The following ME3 variants were observed in gnomAD, a reference collection of about 807,000 sequenced individuals.
The protein encoded by ME3 is malic enzyme 3.
A neutral mutation model predicts 68.9 loss-of-function variants in ME3; 48 were observed. That is an observed-to-expected ratio of 0.70 (90% CI 0.55 to 0.89). The LOEUF (loss-of-function observed/expected upper bound fraction) is 0.89, where lower values mean the gene tolerates loss of function less well. Among genes scored for constraint, ME3 ranks in the 40% least tolerant of loss-of-function variants. The probability of loss-of-function intolerance (pLI) is 0.00; values close to 1 mark genes in which losing one functional copy is unlikely to be tolerated. For missense variants in ME3, 675 were observed against 797.4 expected (o/e 0.85, Z 1.85); for synonymous variants, 320 against 318.8 (o/e 1.00, Z -0.04).
intron 6 of ME3, among the ~76,000 whole-genome samples, chr11:86,495,161 A>T (rs748102): frequency 9.9e-5 from 15 of 151,934 alleles, no homozygotes; most frequent in African/African-American, 3.4e-4. Flanking sequence ...TGCCGCTTCT[A>T]GCAGATCTTC....
chr11:86,594,543 A>C (rs1460730581), intron 2 of ME3, among the ~76,000 whole-genome samples: 1 of 145,310 alleles, frequency 6.9e-6, no homozygotes, highest in Non-Finnish European at 1.5e-5. Flanking sequence ...AATAATAAAA[A>C]AATCAGCCAG....
At chr11:86,496,120 C>G (rs189107598) in intron 6 of ME3, among the ~76,000 whole-genome samples, 71 of 152,178 alleles carry the variant, frequency 4.7e-4, no homozygotes, top group Admixed American at 2.7e-3. Context: ...AATGGGGATG[C>G]CTGGGCTGGG....
chr11:86,649,904 T>C (rs185244041), intron 2 of ME3, among the ~76,000 whole-genome samples: 2 of 152,310 alleles, frequency 1.3e-5, no homozygotes, highest in Admixed American at 6.5e-5. Context: ...ATAGATTCAA[T>C]GCTATTCCCA....
chr11:86,611,741 T>C (rs868696826), intron 2 of ME3, among the ~76,000 whole-genome samples: 16 of 152,228 alleles, frequency 1.1e-4, no homozygotes, highest in Middle Eastern at 6.8e-3. Flanking sequence ...ACTATGGGTC[T>C]AGATGTTTGA....
intron 6 of ME3, among the ~76,000 whole-genome samples, chr11:86,492,500 C>T (rs1017881590): frequency 2.0e-5 from 3 of 152,214 alleles, no homozygotes; most frequent in Non-Finnish European, 4.4e-5. Flanking sequence ...AGGGTGGGGA[C>T]CAGGCTTATT....
intron 2 of ME3, among the ~76,000 whole-genome samples, chr11:86,620,723 C>T (rs553405549): frequency 1.3e-5 from 2 of 152,356 alleles, no homozygotes; most frequent in Non-Finnish European, 2.9e-5. Flanking sequence ...GATACAGGCA[C>T]CTCTACCAGG....
chr11:86,626,937 T>A (rs1302365050), intron 2 of ME3, among the ~76,000 whole-genome samples: 1 of 152,164 alleles, frequency 6.6e-6, no homozygotes, highest in African/African-American at 2.4e-5. Flanking sequence ...CCCTAACTGG[T>A]ATATTTTCCT....
intron 5 of ME3, among the ~76,000 whole-genome samples, chr11:86,507,116 A>G (rs1419580176): frequency 6.6e-6 from 1 of 152,194 alleles, no homozygotes; most frequent in African/African-American, 2.4e-5. Context: ...TTTAAGTAAT[A>G]TCATTCCCTG....
At chr11:86,636,488 T>TC (rs1944343610) in intron 2 of ME3, among the ~76,000 whole-genome samples, 1 of 152,022 alleles carries the variant, frequency 6.6e-6, no homozygotes, top group African/African-American at 2.4e-5. Flanking sequence ...AGGAGAAGCA[T>TC]CCCTTGGTGC....
intron 2 of ME3, among the ~76,000 whole-genome samples, chr11:86,589,227 GT>G (rs911715000): frequency 9.2e-5 from 14 of 152,154 alleles, no homozygotes; most frequent in Admixed American, 5.9e-4. Context: ...GCAAGTGTTT[GT>G]TTACAAGTCT....
chr11:86,478,552 C>A (rs1013779618), intron 7 of ME3, among the ~76,000 whole-genome samples: 4 of 152,162 alleles, frequency 2.6e-5, no homozygotes, highest in African/African-American at 9.7e-5. Context: ...TCTCTTCCCA[C>A]ATCTTGTCAA....
At chr11:86,445,075 A>G (rs556745378) in intron 13 of ME3, among the ~76,000 whole-genome samples, 1 of 152,176 alleles carries the variant, frequency 6.6e-6, no homozygotes, top group Non-Finnish European at 1.5e-5. Context: ...TTTTTACTCA[A>G]CAGAGGACTT....
At chr11:86,441,346 T>G (rs751258616) in exon 15 of ME3, 3 of 1,613,468 alleles carry the variant, frequency 1.9e-6, no homozygotes, top group South Asian at 2.2e-5. Context: ...GGAGTCATAG[T>G]CTGGAGTGTA....
rs371364505 is a variant in ME3, at chr11:86,574,981, G to A, written c.184-15158C>T. 2.0e-4 allele frequency among the ~76,000 whole-genome samples: 24 copies of A among 118,346 alleles called. 7 individuals carry two copies. Among genetic ancestry groups the A allele is most frequent in the African/African-American group, 9.1e-4 (23 of 25,384 alleles). The allele number at this position is 118,346 out of a possible 152,430, so 77.6% of individuals were successfully genotyped here. On this transcript the variant is annotated intron_variant, in intron 2 of 14. Coordinates refer to ENST00000543262, the Ensembl canonical transcript of ME3. ...GTGAACACTGGCAGCTTGCAACCCT[G>A]ACAGGTTGTCCAGCCTGGGCAGGGG...
intron 2 of ME3, among the ~76,000 whole-genome samples, chr11:86,615,180 C>T (rs915135698): frequency 1.9e-4 from 29 of 152,100 alleles, no homozygotes; most frequent in African/African-American, 5.1e-4. Flanking sequence ...TAGCCACATC[C>T]GGACCCTACA....
chr11:86,450,336 A>T (rs771657517), exon 9 of ME3: 8 of 1,614,134 alleles, frequency 5.0e-6, no homozygotes, highest in Non-Finnish European at 5.9e-6. Flanking sequence ...ACGTGATTGG[A>T]AAGCTTGTTC....
At chr11:86,481,442 G>A (rs1951401296) in intron 7 of ME3, among the ~76,000 whole-genome samples, 1 of 152,180 alleles carries the variant, frequency 6.6e-6, no homozygotes, top group East Asian at 1.9e-4. Flanking sequence ...CTCAACCCAG[G>A]CCTTCTGTGG....
chr11:86,469,946 C>A (rs879856026), intron 7 of ME3, among the ~76,000 whole-genome samples: 1 of 151,572 alleles, frequency 6.6e-6, no homozygotes, highest in African/African-American at 2.4e-5. Context: ...CTGTGTGTGA[C>A]GGTGTGATGA....
chr11:86,578,101 G>C (rs1958219780), intron 2 of ME3, among the ~76,000 whole-genome samples: 1 of 152,158 alleles, frequency 6.6e-6, no homozygotes. Flanking sequence ...ACCGAACAAG[G>C]GAACAGAGGT....
Sources: gnomAD v4.1 joint callset for allele counts (sites outside exome capture counted in the v4.1 genomes callset) on GRCh38, gnomAD v4.1.1 for gene constraint, MANE v1.5 for transcripts, NCBI Gene and HGNC (gene_info 2026-07-23, HGNC 2026-07-21) for gene names.